Variants in LRP4 observed in about 807,000 individuals in gnomAD.
LRP4 encodes LDL receptor related protein 4, also known as low-density lipoprotein receptor-related protein 4.
In LRP4, 95 loss-of-function variants were observed where a neutral mutation model predicts 220.3. That is an observed-to-expected ratio of 0.43 (90% CI 0.37 to 0.51). The LOEUF (loss-of-function observed/expected upper bound fraction) is 0.51, where lower values mean the gene tolerates loss of function less well. Among genes scored for constraint, LRP4 ranks in the 20% least tolerant of loss-of-function variants. LRP4 has a pLI of 0.00. For missense variants in LRP4, 1,925 were observed against 2,567.0 expected, an observed-to-expected ratio of 0.75 and a Z score of 5.40; for synonymous variants, 903 against 954.6, an observed-to-expected ratio of 0.95 and a Z score of 1.00.
chr11:46,899,588 G>T lies in LRP4; in HGVS notation c.431-85C>A. On this transcript the variant is annotated intron_variant, in intron 4 of 37. Coordinates refer to ENST00000378623, the MANE Select transcript of LRP4 (RefSeq NM_002334.4). The surrounding 1 kb of genome is among the most constrained non-coding windows in gnomAD (Gnocchi z 5.9). ...TCCTCTCTGACTCCCAACCTCACTG[G>T]CTTTGGCGGGTCTGACCTAGCCCCC... 9.9e-7 allele frequency: 1 copy of T among 1,012,326 alleles called. No homozygotes were observed. Among genetic ancestry groups the T allele is most frequent in the Non-Finnish European group, 1.6e-6 (1 of 643,948 alleles). The allele number at this position is 1,012,326 out of a possible 1,614,324, so 62.7% of individuals were successfully genotyped here. A position where few individuals can be genotyped will look rare whatever the true frequency, so the allele number is the denominator to read the frequency against.
At position 46,875,858 on chromosome 11, in the gene LRP4, T is replaced by G; in HGVS notation, c.3645A>C (p.Gly1215=). The G allele has an allele frequency of 1.2e-6, 2 of 1,613,988 alleles. No individual in the cohort carries two copies. Among genetic ancestry groups the G allele is most frequent in the South Asian group, 2.2e-5 (2 of 91,072 alleles). Residue 1215 remains glycine, a synonymous_variant, in exon 26 of 38, where the codon GGA becomes GGC. Coordinates refer to ENST00000378623, the MANE Select transcript of LRP4 (RefSeq NM_002334.4). The surrounding 1 kb of genome is among the most constrained non-coding windows in gnomAD (Gnocchi z 4.5). ...GGGAGCTGGCCTTGTCCACAGTCAG[T>G]CCATTGGGCCATCCTAGGTTGTTGT... ...LINNNLGWPN[G]LTVDKASSQL... is the part of the protein sequence containing the mutation.
intron 7 of LRP4, 65 bp downstream of exon 7, chr11:46,898,493 G>A: frequency 6.2e-7 from 1 of 1,607,508 alleles, no homozygotes; most frequent in Middle Eastern, 1.7e-4. Context: ...GCCGGTAGTG[G>A]CCTCTTTGGC....
At chr11:46,887,138 C>T (rs760585018) in intron 16 of LRP4, among the ~76,000 whole-genome samples, 1 of 152,172 alleles carries the variant, frequency 6.6e-6, no homozygotes, top group Non-Finnish European at 1.5e-5. Flanking sequence ...AGCTAGGACT[C>T]AGATCTGACT....
intron 36 of LRP4, among the ~76,000 whole-genome samples, chr11:46,863,363 G>C (rs535801033): frequency 6.6e-6 from 1 of 152,126 alleles, no homozygotes; most frequent in Non-Finnish European, 1.5e-5. Flanking sequence ...ATGGAGAACT[G>C]ATGCACTGAG....
intron 9 of LRP4, 47 bp from the exon 10 acceptor site, chr11:46,896,065 C>G: frequency 1.2e-6 from 2 of 1,613,560 alleles, no homozygotes; most frequent in Non-Finnish European, 1.7e-6. Flanking sequence ...GAATCCTCCC[C>G]CAGAGAGCCA....
At chr11:46,879,936 C>G (rs1308208708) in intron 20 of LRP4, among the ~76,000 whole-genome samples, 1 of 152,120 alleles carries the variant, frequency 6.6e-6, no homozygotes, top group African/African-American at 2.4e-5. Flanking sequence ...GAAACCCTGT[C>G]TCTACTAAAA....
At chr11:46,862,910 G>C (rs1056821266) in intron 36 of LRP4, 163 bp from the exon 37 acceptor site, 5 of 665,634 alleles carry the variant, frequency 7.5e-6, no homozygotes, top group African/African-American at 7.2e-5. Context: ...AGTGTGGACT[G>C]TTCTGGTGAC....
At chr11:46,881,434 T>C (rs894474928) in intron 20 of LRP4, among the ~76,000 whole-genome samples, 2 of 152,216 alleles carry the variant, frequency 1.3e-5, no homozygotes, top group African/African-American at 4.8e-5. Flanking sequence ...CAGGAAATTC[T>C]GTGCATTTAC....
At chr11:46,871,748 C>T in intron 30 of LRP4, 115 bp from the exon 31 acceptor site, 1 of 737,056 alleles carries the variant, frequency 1.4e-6, no homozygotes, top group East Asian at 2.7e-5. Flanking sequence ...TATGAGAACT[C>T]AAGAAGCACC....
rs768284053 is a variant in LRP4, at chr11:46,868,085, C to T, written c.4981G>A (p.Ala1661Thr). The change falls in exon 34 of 38, where the codon GCT becomes ACT. Residue 1661 changes from alanine to threonine, a missense_variant. By Grantham distance (58) the Ala-to-Thr change is moderately conservative. Coordinates refer to ENST00000378623, the MANE Select transcript of LRP4 (RefSeq NM_002334.4). ...GGGCTCTTTTCACTCATGCCAGTAG[C>T]CCTAGGAGCTGGTGGTACCAGGCCA... ...VPGLVPPAPRATGMSEKSPVL... is the reference protein window; with the variant it reads ...VPGLVPPAPRTTGMSEKSPVL... 3.1e-6 allele frequency: 5 copies of T among 1,614,078 alleles called. No individual in the cohort carries two copies. The highest frequency in any genetic ancestry group is 2.5e-6 in the Non-Finnish European group (3 of 1,180,018).
rs527282436 is a variant in LRP4 at position 46,904,745 on chromosome 11, G to A, written c.53-1816C>T. Among the ~76,000 whole-genome samples the A allele has an allele frequency of 1.1e-3, 160 of 152,208 alleles. 1 individual carries two copies. Among genetic ancestry groups the A allele is most frequent in the South Asian group, 4.6e-3 (22 of 4,818 alleles). ...GCACTTTGAGAGACTGAGGCAGGTG[G>A]ATCCTTTGAGCACAGCAGTTTTGAG... On this transcript the variant is annotated intron_variant, in intron 1 of 37. Transcript: ENST00000378623.
intron 1 of LRP4, among the ~76,000 whole-genome samples, chr11:46,905,107 C>T (rs920821210): frequency 3.3e-5 from 5 of 151,750 alleles, no homozygotes; most frequent in Non-Finnish European, 7.4e-5. Context: ...CCTGTCTCTT[C>T]GGGTCTCTCT....
intron 35 of LRP4, 75 bp from the exon 36 acceptor site, chr11:46,864,610 C>T: frequency 1.0e-6 from 1 of 1,003,384 alleles, no homozygotes; most frequent in Admixed American, 1.7e-5. Flanking sequence ...GAATGGAAAG[C>T]TGAAAGGCTC....
rs1375248340 is a variant in LRP4, at chr11:46,893,044, C to G, written c.1626G>C (p.Gly542=). The G allele has an allele frequency of 6.2e-7, 1 of 1,614,042 alleles. No homozygotes were observed. The highest frequency in any genetic ancestry group is 8.5e-7 in the Non-Finnish European group (1 of 1,179,994). The change falls in exon 13 of 38, where the codon GGG becomes GGC. Residue 542 remains glycine, a synonymous_variant. Coordinates refer to ENST00000378623, the MANE Select transcript of LRP4 (RefSeq NM_002334.4). ...GCCACAGCAACACTTTCCGGTGGGCCCCATCCAGATTGGCCACCTCAATCC... is the reference window on the plus strand; with the variant it reads ...GCCACAGCAACACTTTCCGGTGGGCGCCATCCAGATTGGCCACCTCAATCC... ...TSRIEVANLD[G]AHRKVLLWQN...
chr11:46,876,831 C>T lies in LRP4; in HGVS notation c.3278-1G>A. The T allele has an allele frequency of 6.2e-7, 1 of 1,613,294 alleles. No homozygotes were observed. The highest frequency in any genetic ancestry group is 8.5e-7 in the Non-Finnish European group (1 of 1,179,490). ...GTGCTGTCAGACCAGTACACCTTTC[C>T]TGGAGAGGGAAAGCTTGGCTCAACC... On this transcript the variant is annotated splice_acceptor_variant, in intron 23 of 37. Coordinates refer to ENST00000378623, the MANE Select transcript of LRP4 (RefSeq NM_002334.4). LOFTEE classifies it high-confidence loss of function.
At chr11:46,911,718 T>C (rs899230838) in intron 1 of LRP4, among the ~76,000 whole-genome samples, 2 of 151,726 alleles carry the variant, frequency 1.3e-5, no homozygotes, top group African/African-American at 2.4e-5. Context: ...CAATCCAAGA[T>C]GAAATATAGA....
chr11:46,890,957 AT>A lies in LRP4; in HGVS notation c.1698-464del, dbSNP rs535761088. 4.7e-5 allele frequency among the ~76,000 whole-genome samples: 7 copies of A among 150,002 alleles called. No individual in the cohort carries two copies. In the South Asian group the frequency reaches 8.5e-4, roughly 18 times the overall value. ...AGACAGGGCATTTATTCATTTAATA[AT>A]TTTTTTTTTCATACTGGCAACAGGC... On this transcript the variant is annotated intron_variant, in intron 13 of 37. Coordinates refer to ENST00000378623, the MANE Select transcript of LRP4 (RefSeq NM_002334.4). This position sits in a 1 kb window ranked among gnomAD's most constrained non-coding sequence, Gnocchi z 5.3.
rs764753420 is a variant in LRP4 at position 46,889,383 on chromosome 11, T to C, written c.2215+28A>G. ...CTCCCCATCCTCACAACAGCCTCCATGGAGGCTGGTGTTGCAGACCCACTT... is the reference window on the plus strand; with the variant it reads ...CTCCCCATCCTCACAACAGCCTCCACGGAGGCTGGTGTTGCAGACCCACTT... On this transcript the variant is annotated intron_variant, in intron 16 of 37. Coordinates refer to ENST00000378623, the MANE Select transcript of LRP4 (RefSeq NM_002334.4). 1.3e-5 allele frequency: 21 copies of C among 1,613,190 alleles called. No homozygotes were observed. In the Admixed American group the frequency reaches 3.3e-4, roughly 26 times the overall value.
At chr11:46,915,583 G>A (rs1032085749) in intron 1 of LRP4, among the ~76,000 whole-genome samples, 2 of 152,134 alleles carry the variant, frequency 1.3e-5, no homozygotes, top group African/African-American at 2.4e-5. Flanking sequence ...TCACTCTGTC[G>A]CCCCGGCTAG....
Sources: gnomAD v4.1 joint callset for allele counts (sites outside exome capture counted in the v4.1 genomes callset) on GRCh38, gnomAD v4.1.1 for gene constraint, Gnocchi (gnomAD v3.1) non-coding constraint, MANE v1.5 for transcripts, NCBI Gene and HGNC (gene_info 2026-07-23, HGNC 2026-07-21) for gene names.